DIP2A: variants seen among roughly 807,000 people sequenced by gnomAD.
DIP2A encodes the protein disco-interacting protein 2 homolog A.
Under a neutral mutation model 177.4 loss-of-function variants are expected in DIP2A, and 85 were observed. The observed-to-expected ratio is 0.48, with a 90% CI of 0.40 to 0.57. The LOEUF (loss-of-function observed/expected upper bound fraction) is 0.57. DIP2A is among the 20% of genes least tolerant of loss of function. The pLI is 0.00. For missense variants in DIP2A, 1,791 were observed against 2,100.2 expected (o/e 0.85, Z 2.88); for synonymous variants, 886 against 881.8 (o/e 1.00, Z -0.08).
intron 1 of DIP2A, among the ~76,000 whole-genome samples, chr21:46,477,573 CTTTT>C (rs1357462907): frequency 3.9e-5 from 3 of 77,826 alleles, no homozygotes; most frequent in Non-Finnish European, 4.7e-5. Flanking sequence ...GTGTGTATTT[CTTTT>C]TTTTTTTTTT....
rs1480285599 is a variant in DIP2A, at chr21:46,563,433, C to A, written c.4090-425C>A. Reference sequence around the variant, plus strand: ...AGCCAGTGCTCAGTGGTTGGACTGACTCGGAGTCACGGGCAGGAAGAACTT... The same window carrying A: ...AGCCAGTGCTCAGTGGTTGGACTGAATCGGAGTCACGGGCAGGAAGAACTT... On this transcript the variant is annotated intron_variant, in intron 34 of 37. Coordinates refer to ENST00000417564, the MANE Select transcript of DIP2A (RefSeq NM_015151.4). The surrounding 1 kb of genome is among the most constrained non-coding windows in gnomAD (Gnocchi z 4.3). 6.6e-6 allele frequency among the ~76,000 whole-genome samples: 1 copy of A among 152,176 alleles called. No individual in the cohort carries two copies. The highest frequency in any genetic ancestry group is 1.5e-5 in the Non-Finnish European group (1 of 68,028).
chr21:46,560,109 A>AG (rs1227430453), intron 32 of DIP2A, among the ~76,000 whole-genome samples: 1 of 152,210 alleles, frequency 6.6e-6, no homozygotes. Context: ...TCCAGTGCAG[A>AG]GGTGTTTAAT....
intron 33 of DIP2A, chr21:46,561,120 G>A (rs1327267400): frequency 1.3e-5 from 9 of 710,612 alleles, no homozygotes. Context: ...TGTGACATTT[G>A]GTTCTTTAGA....
intron 1 of DIP2A, among the ~76,000 whole-genome samples, chr21:46,469,626 T>C (rs2055175259): frequency 6.6e-6 from 1 of 152,244 alleles, no homozygotes; most frequent in Non-Finnish European, 1.5e-5. Flanking sequence ...GCTGAGGCTA[T>C]GCTTCCTATA....
At chr21:46,492,938 A>AAG (rs984895607) in intron 3 of DIP2A, among the ~76,000 whole-genome samples, 1 of 134,586 alleles carries the variant, frequency 7.4e-6, no homozygotes, top group Non-Finnish European at 1.7e-5. Context: ...TCTCAAAAAA[A>AAG]AAAGGAAGAA....
intron 10 of DIP2A, 98 bp from the exon 11 acceptor site, chr21:46,533,426 A>G (rs942399103): frequency 2.8e-6 from 4 of 1,407,998 alleles, no homozygotes; most frequent in Non-Finnish European, 3.8e-6. Context: ...AGGGATGAAA[A>G]AAAGATCTGT....
At position 46,557,427 on chromosome 21, in the gene DIP2A, C is replaced by T; in HGVS notation, c.3630-158C>T. On this transcript the variant is annotated intron_variant, in intron 30 of 37. Coordinates refer to ENST00000417564, the MANE Select transcript of DIP2A (RefSeq NM_015151.4). The surrounding 1 kb of genome is among the most constrained non-coding windows in gnomAD (Gnocchi z 6.0). ...GTGCCTGCCATCCCCCAACCTTCAC[C>T]CTGTGGCATGTTTTCCACCAAACCC... 1 of 940,332 alleles carries T rather than the reference C, an allele frequency of 1.1e-6. No individual in the cohort carries two copies. The allele number at this position is 940,332 out of a possible 1,614,324, so 58.2% of individuals were successfully genotyped here.
downstream of DIP2A, among the ~76,000 whole-genome samples, chr21:46,573,942 A>G (rs1035943181): frequency 2.0e-5 from 3 of 152,144 alleles, no homozygotes; most frequent in Non-Finnish European, 4.4e-5. Context: ...TGAATAATGG[A>G]TGGAACAATA....
chr21:46,467,852 C>T (rs1340639294), intron 1 of DIP2A, among the ~76,000 whole-genome samples: 1 of 151,942 alleles, frequency 6.6e-6, no homozygotes, highest in Non-Finnish European at 1.5e-5. Flanking sequence ...GTGGCTCACA[C>T]CTATAATCCC....
At chr21:46,495,147 T>C (rs1002173085) in intron 3 of DIP2A, among the ~76,000 whole-genome samples, 3 of 150,916 alleles carry the variant, frequency 2.0e-5, no homozygotes, top group African/African-American at 7.3e-5. Context: ...CTCCCTCCCT[T>C]CCCTCCATCC....
chr21:46,500,592 G>T (rs78107717), intron 5 of DIP2A, among the ~76,000 whole-genome samples: 1 of 152,320 alleles, frequency 6.6e-6, no homozygotes, highest in African/African-American at 2.4e-5. Context: ...GATGGTGCAG[G>T]AGAGCAAACA....
At chr21:46,474,044 A>G (rs116311820) in intron 1 of DIP2A, among the ~76,000 whole-genome samples, 51 of 152,344 alleles carry the variant, frequency 3.3e-4, no homozygotes, top group African/African-American at 1.1e-3. Context: ...AACCCATTGC[A>G]GTAATCCAGG....
downstream of DIP2A, among the ~76,000 whole-genome samples, chr21:46,573,052 C>T (rs928804822): frequency 3.3e-5 from 5 of 151,914 alleles, no homozygotes; most frequent in Non-Finnish European, 5.9e-5. Flanking sequence ...CACCTAAAAA[C>T]ACATTTCTCA....
At chr21:46,508,796 G>A (rs1209188749) in intron 6 of DIP2A, among the ~76,000 whole-genome samples, 3 of 151,886 alleles carry the variant, frequency 2.0e-5, no homozygotes, top group Admixed American at 2.0e-4. Context: ...GCCAAGGCAG[G>A]TGGATCACGA....
chr21:46,499,478 G>A (rs1237375560), intron 5 of DIP2A, among the ~76,000 whole-genome samples: 2 of 152,138 alleles, frequency 1.3e-5, no homozygotes, highest in Non-Finnish European at 2.9e-5. Context: ...GGTTGTCTCT[G>A]TACCTGGCTG....
At chr21:46,510,665 CTG>C (rs901342598) in intron 7 of DIP2A, among the ~76,000 whole-genome samples, 5 of 135,852 alleles carry the variant, frequency 3.7e-5, no homozygotes, top group African/African-American at 1.3e-4. Context: ...GAGTCTCACT[CTG>C]TCGCCCAGGC....
At chr21:46,561,225 G>A (rs2148908119) in intron 33 of DIP2A, 1 of 281,860 alleles carries the variant, frequency 3.5e-6, no homozygotes, top group African/African-American at 2.2e-5. Context: ...AGAGGGATAG[G>A]GACAGATAGA....
At chr21:46,475,304 T>G (rs562920156) in intron 1 of DIP2A, among the ~76,000 whole-genome samples, 325 of 152,368 alleles carry the variant, frequency 2.1e-3, no homozygotes, top group Middle Eastern at 0.014. Context: ...TTTAAAAGGT[T>G]TATTACCTAT....
At chr21:46,539,852 G>A (rs374778584) in intron 16 of DIP2A, 25 bp from the exon 17 acceptor site, 843 of 1,588,054 alleles carry the variant, frequency 5.3e-4, no homozygotes, top group Non-Finnish European at 7.0e-4. Context: ...TAGTGCTGGC[G>A]TTCCACTCTT....
Sources: allele counts gnomAD v4.1 joint callset (sites outside exome capture counted in the v4.1 genomes callset), GRCh38; gene constraint gnomAD v4.1.1; non-coding constraint Gnocchi (gnomAD v3.1); transcripts MANE v1.5; gene names NCBI Gene and HGNC (gene_info 2026-07-23, HGNC 2026-07-21).